The following CCDC201 variants were observed in gnomAD, a reference collection of about 807,000 sequenced individuals.
The protein encoded by CCDC201 is coiled-coil domain containing 201.
chr7:45,876,494 C>T (rs1583655714), upstream of CCDC201, among the ~76,000 whole-genome samples: 1 of 152,150 alleles, frequency 6.6e-6, no homozygotes, highest in Non-Finnish European at 1.5e-5. Flanking sequence ...GCTGGCCAGG[C>T]CACCCCCAGG....
intron 2 of CCDC201, among the ~76,000 whole-genome samples, chr7:45,864,423 AGGT>A (rs1562789256): frequency 1.3e-5 from 2 of 152,322 alleles, no homozygotes; most frequent in East Asian, 1.9e-4. Flanking sequence ...TCCTGGCCGC[AGGT>A]GGGAACATTA....
At chr7:45,874,294 C>A (rs184168984), upstream of CCDC201, among the ~76,000 whole-genome samples, 22 of 152,314 alleles carry the variant, frequency 1.4e-4, no homozygotes, top group Admixed American at 4.6e-4. Context: ...TTTAGCAGAA[C>A]CAAGACAAGA....
exon 3 of CCDC201, chr7:45,860,985 CATCTT>C (rs1182808325): frequency 6.6e-6 from 1 of 152,194 alleles, no homozygotes; most frequent in African/African-American, 2.4e-5. Context: ...TCTAGGAAAT[CATCTT>C]ATATGTGAAA....
chr7:45,875,582 C>T (rs1003608517), upstream of CCDC201, among the ~76,000 whole-genome samples: 5 of 152,116 alleles, frequency 3.3e-5, no homozygotes, highest in Admixed American at 6.5e-5. Flanking sequence ...TTAATTGTTT[C>T]GCATTTTTTC....
chr7:45,866,509 C>CAG lies in CCDC201; in HGVS notation c.19-17_19-16dup, dbSNP rs1049255972. 1 of 152,194 alleles carries CAG rather than the reference C, an allele frequency of 6.6e-6. No individual in the cohort carries two copies. Among genetic ancestry groups the CAG allele is most frequent in the African/African-American group, 2.4e-5 (1 of 41,452 alleles). The allele number at this position is 152,194 out of a possible 1,614,324, so 9.4% of individuals were successfully genotyped here. On this transcript the variant is annotated splice_polypyrimidine_tract_variant and intron_variant, in intron 1 of 2. Transcript: ENST00000636578. ...AATCCTAGATCCTGCAAAGTAAAAA[C>CAG]AGAGTTTTGAGTCCTAGAAAGTCCT...
intron 2 of CCDC201, among the ~76,000 whole-genome samples, 159 bp downstream of exon 2, chr7:45,865,877 G>T (rs1156949619): frequency 2.0e-5 from 3 of 152,174 alleles, no homozygotes; most frequent in East Asian, 1.9e-4. Context: ...GCAGAGTAAG[G>T]GTGTGTTGGC....
At chr7:45,868,654 T>A (rs2116521701) in intron 1 of CCDC201, among the ~76,000 whole-genome samples, 1 of 152,220 alleles carries the variant, frequency 6.6e-6, no homozygotes, top group East Asian at 1.9e-4. Context: ...TCTTACATCA[T>A]CCTAGGAGAT....
chr7:45,862,294 G>A (rs565132475), exon 3 of CCDC201: 1 of 152,364 alleles, frequency 6.6e-6, no homozygotes, highest in African/African-American at 2.4e-5. Flanking sequence ...CTGATACCAG[G>A]TGTGGTGACT....
chr7:45,882,075 A>G, the CCDC201 span, among the ~76,000 whole-genome samples: 1 of 152,148 alleles, frequency 6.6e-6, no homozygotes, highest in Non-Finnish European at 1.5e-5. Flanking sequence ...TCCCCGTGTT[A>G]AAAACAACTT....
chr7:45,880,985 C>A, the CCDC201 span, among the ~76,000 whole-genome samples: 1 of 152,124 alleles, frequency 6.6e-6, no homozygotes, highest in African/African-American at 2.4e-5. Context: ...GTTCACGGGG[C>A]CAAACTGGTA....
intron 2 of CCDC201, among the ~76,000 whole-genome samples, chr7:45,864,509 C>A (rs995589223): frequency 6.6e-6 from 1 of 152,152 alleles, no homozygotes; most frequent in Non-Finnish European, 1.5e-5. Flanking sequence ...CCCGGGTGAC[C>A]CTTGGTGGAC....
the CCDC201 span, among the ~76,000 whole-genome samples, chr7:45,882,604 A>T: frequency 1.3e-5 from 2 of 152,140 alleles, no homozygotes; most frequent in East Asian, 1.9e-4. Flanking sequence ...AAAAAGACAG[A>T]TGTGTTCTGA....
chr7:45,875,408 T>C (rs956930255), upstream of CCDC201, among the ~76,000 whole-genome samples: 1 of 145,058 alleles, frequency 6.9e-6, no homozygotes, highest in African/African-American at 2.6e-5. Context: ...GATACGAGAA[T>C]TGCTTGAACC....
chr7:45,862,343 C>A (rs1377140036), exon 3 of CCDC201: 1 of 152,330 alleles, frequency 6.6e-6, no homozygotes, highest in African/African-American at 2.4e-5. Flanking sequence ...GGTGGACTGG[C>A]CTCTGAGTTC....
chr7:45,882,432 G>A, the CCDC201 span, among the ~76,000 whole-genome samples: 2 of 152,216 alleles, frequency 1.3e-5, no homozygotes, highest in South Asian at 4.1e-4. Context: ...AACATGCTAG[G>A]ACATAGAAAT....
chr7:45,872,412 T>C (rs967371488), intron 1 of CCDC201, among the ~76,000 whole-genome samples: 3 of 152,232 alleles, frequency 2.0e-5, no homozygotes, highest in East Asian at 1.9e-4. Flanking sequence ...CATTTCCTTT[T>C]GCATCTAGAG....
At chr7:45,864,501 C>G (rs527335399) in intron 2 of CCDC201, among the ~76,000 whole-genome samples, 1 of 152,170 alleles carries the variant, frequency 6.6e-6, no homozygotes, top group African/African-American at 2.4e-5. Flanking sequence ...AGTTAACCCC[C>G]GGGTGACCCT....
At chr7:45,871,719 C>T (rs961800202) in intron 1 of CCDC201, among the ~76,000 whole-genome samples, 1 of 152,230 alleles carries the variant, frequency 6.6e-6, no homozygotes, top group Non-Finnish European at 1.5e-5. Flanking sequence ...ATCCAACAAC[C>T]TGATGGATAA....
At chr7:45,861,884 A>T (rs1243439188) in exon 3 of CCDC201, 1 of 152,260 alleles carries the variant, frequency 6.6e-6, no homozygotes, top group Non-Finnish European at 1.5e-5. Context: ...AGAGTGGATG[A>T]TGCAAACATT....
Sources: allele counts gnomAD v4.1 joint callset (sites outside exome capture counted in the v4.1 genomes callset), GRCh38; gene constraint gnomAD v4.1.1; transcripts MANE v1.5; gene names NCBI Gene and HGNC (gene_info 2026-07-23, HGNC 2026-07-21).